IP6K1: variants seen among roughly 807,000 people sequenced by gnomAD.
IP6K1 encodes ATP:1D-myo-inositol-hexakisphosphate phosphotransferase.
A neutral mutation model predicts 38.3 loss-of-function variants in IP6K1; 13 were observed. That is an observed-to-expected ratio of 0.34 (90% CI 0.22 to 0.54). The LOEUF (loss-of-function observed/expected upper bound fraction) is 0.54, where lower values mean the gene tolerates loss of function less well. IP6K1 is among the 20% of genes least tolerant of loss of function. The probability of loss-of-function intolerance (pLI) is 0.92; values close to 1 mark genes in which losing one functional copy is unlikely to be tolerated. For synonymous variants in IP6K1, 212 were observed against 229.9 expected (o/e 0.92, Z 0.70); for missense variants, 397 against 599.8 (o/e 0.66, Z 3.53).
At chr3:49,773,804 T>C (rs978621795) in intron 1 of IP6K1, among the ~76,000 whole-genome samples, 7 of 152,148 alleles carry the variant, frequency 4.6e-5, no homozygotes, top group African/African-American at 1.7e-4. Context: ...CTGCCTAGCA[T>C]GCTGCTTGAC....
intron 1 of IP6K1, among the ~76,000 whole-genome samples, chr3:49,760,548 C>T (rs1428558864): frequency 6.7e-6 from 1 of 148,352 alleles, no homozygotes; most frequent in Non-Finnish European, 1.5e-5. Context: ...CACTTGAACC[C>T]GGGAGGCAGA....
intron 1 of IP6K1, among the ~76,000 whole-genome samples, chr3:49,752,754 G>GC (rs555404167): frequency 1.4e-5 from 2 of 146,612 alleles, no homozygotes; most frequent in East Asian, 2.0e-4. Flanking sequence ...ACTGCGCCTA[G>GC]CCTTTTTTTT....
chr3:49,775,902 G>A (rs2081004566), intron 1 of IP6K1, among the ~76,000 whole-genome samples: 1 of 151,734 alleles, frequency 6.6e-6, no homozygotes, highest in South Asian at 2.1e-4. Context: ...ATATTGATAT[G>A]TTCTCCCTCA....
At chr3:49,766,857 C>T (rs6804970) in intron 1 of IP6K1, among the ~76,000 whole-genome samples, 26,902 of 146,444 alleles carry the variant, frequency 0.18, 2,755 homozygotes, top group African/African-American at 0.27. Context: ...CCCAGCTACT[C>T]GGAAGGCTAA....
intron 1 of IP6K1, among the ~76,000 whole-genome samples, chr3:49,780,442 A>G (rs2081055787): frequency 1.3e-5 from 2 of 152,240 alleles, no homozygotes; most frequent in South Asian, 4.2e-4. Flanking sequence ...ACAGATCCAG[A>G]GCCACAAAGA....
Position 49,772,241 on chromosome 3 carries a change from A to G in IP6K1, c.-129+14113T>C, listed in dbSNP as rs531227667. Among the ~76,000 whole-genome samples the G allele has an allele frequency of 4.3e-3, 609 of 141,186 alleles. 2 individuals are homozygous for G. Among genetic ancestry groups the G allele is most frequent in the Middle Eastern group, 0.011 (3 of 266 alleles). The allele number at this position is 141,186 out of a possible 152,430, so 92.6% of individuals were successfully genotyped here. On this transcript the variant is annotated intron_variant, in intron 1 of 5. Transcript: ENST00000321599. ...AAAAAAAAAATATATATATATATAT[A>G]TGTGTGTGTGTGTGTAACACATATA...
At chr3:49,771,188 C>CAAAAAAAAAA (rs35601566) in intron 1 of IP6K1, among the ~76,000 whole-genome samples, 2 of 72,508 alleles carry the variant, frequency 2.8e-5, no homozygotes, top group African/African-American at 9.8e-5. Context: ...AACTCAGTAA[C>CAAAAAAAAAA]AAAAAAAAAA....
At chr3:49,751,187 C>T (rs906710702) in intron 1 of IP6K1, among the ~76,000 whole-genome samples, 9 of 151,210 alleles carry the variant, frequency 6.0e-5, no homozygotes, top group Non-Finnish European at 1.5e-5. Context: ...GAGATGGAGT[C>T]TCACTGTCGC....
rs542640049 is a variant in IP6K1 at position 49,776,000 on chromosome 3, G to A, written c.-129+10354C>T. On this transcript the variant is annotated intron_variant, in intron 1 of 5. Transcript: ENST00000321599. ...ACCCAGTGAAAAACATGATCTTGCA[G>A]CAGCTCTGGTGGCAGCTGTCCTTGA... Among the ~76,000 whole-genome samples the A allele has an allele frequency of 2.0e-5, 3 of 151,490 alleles. No individual in the cohort carries two copies. The South Asian group carries it at 6.3e-4, about 32-fold the overall frequency.
intron 1 of IP6K1, among the ~76,000 whole-genome samples, chr3:49,773,377 G>A (rs903741201): frequency 6.6e-6 from 1 of 152,094 alleles, no homozygotes; most frequent in African/African-American, 2.4e-5. Context: ...TTGGGAGGCC[G>A]AGGTGGGTGG....
At chr3:49,733,396 A>G (rs1398936540) in intron 3 of IP6K1, among the ~76,000 whole-genome samples, 1 of 152,222 alleles carries the variant, frequency 6.6e-6, no homozygotes, top group Non-Finnish European at 1.5e-5. Flanking sequence ...TATATAACTC[A>G]GCAATTCCAT....
chr3:49,728,460 A>G (rs2080531792), intron 4 of IP6K1, 182 bp from the exon 5 acceptor site: 2 of 579,708 alleles, frequency 3.5e-6, no homozygotes, highest in Admixed American at 3.0e-5. Context: ...GTGGTAAAAT[A>G]TACATAAAAT....
At chr3:49,770,622 G>T (rs1254377671) in intron 1 of IP6K1, among the ~76,000 whole-genome samples, 1 of 152,098 alleles carries the variant, frequency 6.6e-6, no homozygotes, top group African/African-American at 2.4e-5. Flanking sequence ...TCCAGCCTGG[G>T]TGACAGAACC....
At chr3:49,778,640 A>C (rs1488825025) in intron 1 of IP6K1, among the ~76,000 whole-genome samples, 2 of 151,984 alleles carry the variant, frequency 1.3e-5, no homozygotes, top group Non-Finnish European at 2.9e-5. Context: ...CTCAAGAAAA[A>C]AAAAAGATAG....
rs2080515535 is a variant in IP6K1, at chr3:49,727,280, G to A, written c.1168C>T (p.Gln390Ter). The A allele has an allele frequency of 6.2e-7, 1 of 1,614,080 alleles. No homozygotes were observed. Among genetic ancestry groups the A allele is most frequent in the Non-Finnish European group, 8.5e-7 (1 of 1,180,046 alleles). The part of the protein sequence containing the change: ...NTSPEAGPSS[Q>*]PKVDVRMIDF... ...ATCATGCGGACATCCACCTTGGGCT[G>A]AGAGGAGGGACCCGCCTCGGGGCTG... The change falls in exon 6 of 6, where the codon CAG (glutamine) becomes TAG (stop). Residue 390 changes from glutamine to a stop codon, truncating the protein, a stop_gained. Transcript: ENST00000321599. LOFTEE classifies it high-confidence loss of function. The surrounding 1 kb of genome is among the most constrained non-coding windows in gnomAD (Gnocchi z 5.9).
intron 4 of IP6K1, among the ~76,000 whole-genome samples, chr3:49,729,330 CAA>C (rs2080542808): frequency 1.3e-5 from 2 of 152,108 alleles, no homozygotes; most frequent in South Asian, 4.1e-4. Context: ...GTATATATCA[CAA>C]ACTTTTTTGT....
At chr3:49,758,047 C>G (rs899390160) in intron 1 of IP6K1, among the ~76,000 whole-genome samples, 13 of 152,212 alleles carry the variant, frequency 8.5e-5, no homozygotes, top group Admixed American at 4.6e-4. Context: ...CAGTGGCTTA[C>G]GCCTGCAATC....
chr3:49,771,212 A>C (rs11709557), intron 1 of IP6K1, among the ~76,000 whole-genome samples: 25,717 of 123,680 alleles, frequency 0.21, 2,901 homozygotes, highest in Non-Finnish European at 0.26. Context: ...AAAAAAAAAA[A>C]CCCTGCCAGG....
chr3:49,734,401 T>C (rs905756299), intron 3 of IP6K1, among the ~76,000 whole-genome samples: 87 of 141,266 alleles, frequency 6.2e-4, no homozygotes, highest in Middle Eastern at 3.5e-3. Context: ...TTTCTTTTTT[T>C]TTTTTTTTTT....
Sources: allele counts gnomAD v4.1 joint callset (sites outside exome capture counted in the v4.1 genomes callset), GRCh38; gene constraint gnomAD v4.1.1; non-coding constraint Gnocchi (gnomAD v3.1); transcripts MANE v1.5; gene names NCBI Gene and HGNC (gene_info 2026-07-23, HGNC 2026-07-21).